The following PPP1CC variants were observed in gnomAD, a reference collection of about 807,000 sequenced individuals.
PPP1CC encodes the protein protein phosphatase 1 catalytic subunit gamma.
Under a neutral mutation model 38.4 loss-of-function variants are expected in PPP1CC, and 16 were observed. The ratio of observed to expected loss-of-function variants is 0.42; its 90% CI spans 0.28 to 0.63. PPP1CC has a LOEUF of 0.63. PPP1CC is among the 30% of genes least tolerant of loss of function. The pLI, the probability that PPP1CC is intolerant of heterozygous loss-of-function variation, is 0.25. For missense variants in PPP1CC, 170 were observed against 391.3 expected (o/e 0.43, Z 4.77); for synonymous variants, 158 against 136.0 (o/e 1.16, Z -1.13).
chr12:110,742,596 G>T, intron 1 of PPP1CC, 57 bp downstream of exon 1: 1 of 1,372,520 alleles, frequency 7.3e-7, no homozygotes, highest in Non-Finnish European at 9.6e-7. Flanking sequence ...GAGCCCCCGG[G>T]GCCGCCTGCC....
intron 1 of PPP1CC, among the ~76,000 whole-genome samples, chr12:110,739,112 G>A (rs945857736): frequency 6.6e-6 from 1 of 152,082 alleles, no homozygotes; most frequent in African/African-American, 2.4e-5. Context: ...TTGAGGTCAC[G>A]AGTTCAAAAC....
intron 4 of PPP1CC, among the ~76,000 whole-genome samples, chr12:110,723,634 C>A (rs535067625): frequency 3.0e-4 from 46 of 152,256 alleles, no homozygotes; most frequent in African/African-American, 1.1e-3. Flanking sequence ...CTCAGCCTCC[C>A]AAATAGCTAC....
At chr12:110,741,215 A>G (rs1204864472) in intron 1 of PPP1CC, among the ~76,000 whole-genome samples, 1 of 151,940 alleles carries the variant, frequency 6.6e-6, no homozygotes, top group African/African-American at 2.4e-5. Context: ...TAAAGACAGC[A>G]TAAAAGGAAA....
chr12:110,724,991 A>G (rs777897603), intron 3 of PPP1CC: 3 of 317,486 alleles, frequency 9.4e-6, no homozygotes, highest in Non-Finnish European at 1.2e-5. Flanking sequence ...CGGGAGGCTG[A>G]GGTAGGAGGA....
the PPP1CC span, among the ~76,000 whole-genome samples, chr12:110,708,670 G>A: frequency 8.6e-5 from 13 of 151,956 alleles, no homozygotes; most frequent in African/African-American, 1.9e-4. Flanking sequence ...CCAACATGGT[G>A]AAACCCCGCC....
chr12:110,736,234 G>T (rs1388326558), intron 1 of PPP1CC, among the ~76,000 whole-genome samples: 1 of 152,170 alleles, frequency 6.6e-6, no homozygotes, highest in Non-Finnish European at 1.5e-5. Context: ...TGTTAAAAGC[G>T]AAGGTTGCTC....
intron 1 of PPP1CC, chr12:110,733,090 TG>T (rs1226678883): frequency 6.6e-6 from 1 of 152,130 alleles, no homozygotes; most frequent in African/African-American, 2.4e-5. Flanking sequence ...GCAACAAAAA[TG>T]TTTTTTTCGT....
Position 110,722,016 on chromosome 12 carries a change from A to G in PPP1CC, c.882+119T>C. ...AACTATAATACACACTGGTTAAGGG[A>G]AAATAAAAACTTAGCCTACTCAGCA... On this transcript the variant is annotated intron_variant, in intron 6 of 6. Transcript: ENST00000335007. The surrounding 1 kb of genome is among the most constrained non-coding windows in gnomAD (Gnocchi z 5.4). The G allele has an allele frequency of 7.9e-7, 1 of 1,263,272 alleles. No homozygotes were observed. The allele number at this position is 1,263,272 out of a possible 1,614,324, so 78.3% of individuals were successfully genotyped here. A position where few individuals can be genotyped will look rare whatever the true frequency, so the allele number is the denominator to read the frequency against.
chr12:110,717,604 G>A (rs2069697870), downstream of PPP1CC, among the ~76,000 whole-genome samples: 1 of 151,804 alleles, frequency 6.6e-6, no homozygotes, highest in African/African-American at 2.4e-5. Context: ...CACCGTGTTA[G>A]CCAGGATGGT....
rs2069733007 is a variant in PPP1CC, at chr12:110,721,036, CTA to C, written c.*38_*39del. ...GTCTTAAAAATGAAGGTTATATACT[CTA>C]TGTTACAAGTCCCGACTAGGCAGTG... On this transcript the variant is annotated 3_prime_UTR_variant, in exon 7 of 7. Coordinates refer to ENST00000335007, the MANE Select transcript of PPP1CC (RefSeq NM_002710.4). 3.2e-6 allele frequency: 5 copies of C among 1,559,168 alleles called. No homozygotes were observed. Among genetic ancestry groups the C allele is most frequent in the Non-Finnish European group, 4.4e-6 (5 of 1,130,252 alleles).
At chr12:110,728,256 G>A (rs896361929) in intron 3 of PPP1CC, among the ~76,000 whole-genome samples, 3 of 152,078 alleles carry the variant, frequency 2.0e-5, no homozygotes, top group Non-Finnish European at 4.4e-5. Context: ...AAAATTAGCC[G>A]GGCGTAGTGG....
In PPP1CC at chr12:110,720,258, T is replaced by C. The variant is rs1442178014; in HGVS notation, c.*818A>G. On this transcript the variant is annotated 3_prime_UTR_variant, in exon 7 of 7. Coordinates refer to ENST00000335007, the MANE Select transcript of PPP1CC (RefSeq NM_002710.4). ...TATATGGAAATTGTATAAAATGTTA[T>C]TACCTTTTATCGTTAGTAGCTTAAA... 2.1e-6 allele frequency: 3 copies of C among 1,437,842 alleles called. No homozygotes were observed. Among genetic ancestry groups the C allele is most frequent in the Non-Finnish European group, 2.8e-6 (3 of 1,060,102 alleles). 89.1% of individuals were successfully genotyped at this position (1,437,842 alleles called of 1,614,324 possible).
the PPP1CC span, among the ~76,000 whole-genome samples, chr12:110,709,731 G>C: frequency 6.6e-6 from 1 of 151,630 alleles, no homozygotes; most frequent in Non-Finnish European, 1.5e-5. Flanking sequence ...ATTTTTAGTA[G>C]AGATGGGGTT....
downstream of PPP1CC, among the ~76,000 whole-genome samples, chr12:110,718,452 T>C (rs2069704261): frequency 6.6e-6 from 1 of 152,224 alleles, no homozygotes; most frequent in African/African-American, 2.4e-5. Context: ...TTCTTTTGCA[T>C]ATGCTGAAAA....
At chr12:110,733,612 TAAC>T (rs1304305444) in intron 1 of PPP1CC, among the ~76,000 whole-genome samples, 3 of 152,206 alleles carry the variant, frequency 2.0e-5, no homozygotes, top group Admixed American at 6.5e-5. Context: ...AAAGCAATAC[TAAC>T]AACAATTTAA....
chr12:110,732,080 T>G, intron 1 of PPP1CC, 179 bp from the exon 2 acceptor site: 1 of 653,588 alleles, frequency 1.5e-6, no homozygotes, highest in East Asian at 2.8e-5. Flanking sequence ...AGACAAGACT[T>G]AATTGCATCT....
At chr12:110,721,220 G>C in intron 6 of PPP1CC, 55 bp from the exon 7 acceptor site, 1 of 1,470,468 alleles carries the variant, frequency 6.8e-7, no homozygotes, top group East Asian at 2.3e-5. Context: ...CAAATCTTAA[G>C]AGTCCTTAAA....
In PPP1CC at chr12:110,742,848, C is replaced by T; in HGVS notation, c.-141G>A. ...GCGGCGGGTCCCCCCCCTGCCACCC[C>T]GCTCCCTACTTCCTCCTTCTCTCCC... On this transcript the variant is annotated 5_prime_UTR_variant, in exon 1 of 7. Coordinates refer to ENST00000335007, the MANE Select transcript of PPP1CC (RefSeq NM_002710.4). 3.9e-6 allele frequency: 2 copies of T among 517,464 alleles called. No individual in the cohort carries two copies. The highest frequency in any genetic ancestry group is 6.2e-6 in the Non-Finnish European group (2 of 320,322). The allele number at this position is 517,464 out of a possible 1,614,324, so 32.1% of individuals were successfully genotyped here.
chr12:110,713,006 G>A, the PPP1CC span, among the ~76,000 whole-genome samples: 1 of 151,976 alleles, frequency 6.6e-6, no homozygotes, highest in Non-Finnish European at 1.5e-5. Context: ...TTGGGAGGTG[G>A]AGGTTGCGGT....
Sources: allele counts gnomAD v4.1 joint callset (sites outside exome capture counted in the v4.1 genomes callset), GRCh38; gene constraint gnomAD v4.1.1; non-coding constraint Gnocchi (gnomAD v3.1); transcripts MANE v1.5; gene names NCBI Gene and HGNC (gene_info 2026-07-23, HGNC 2026-07-21).